The following LRBA variants were observed in gnomAD, a reference collection of about 807,000 sequenced individuals.
LRBA encodes LPS responsive beige-like anchor protein, also known as lipopolysaccharide-responsive and beige-like anchor protein.
In LRBA, 176 loss-of-function variants were observed where a neutral mutation model predicts 330.0. That is an observed-to-expected ratio of 0.53 (90% CI 0.47 to 0.60). LRBA has a LOEUF of 0.60. Among genes scored for constraint, LRBA ranks in the 20% least tolerant of loss-of-function variants. The probability of loss-of-function intolerance (pLI) is 0.00; values close to 1 mark genes in which losing one functional copy is unlikely to be tolerated. For missense variants in LRBA, 3,259 were observed against 3,444.8 expected, an observed-to-expected ratio of 0.95 and a Z score of 1.35; for synonymous variants, 1,230 against 1,193.0, an observed-to-expected ratio of 1.03 and a Z score of -0.64.
Position 150,543,688 on chromosome 4 carries a change from C to T in LRBA, c.6330+44360G>A, listed in dbSNP as rs535669920. 3.9e-5 allele frequency among the ~76,000 whole-genome samples: 6 copies of T among 151,956 alleles called. No individual in the cohort carries two copies. The South Asian group carries it at 1.3e-3, about 32-fold the overall frequency. ...GGTCATTATATTTATGATTGCTTCC[C>T]GAGAAAAGGTTTCAACAGCAGCAAC... On this transcript the variant is annotated intron_variant, in intron 40 of 56. Coordinates refer to ENST00000651943, the MANE Select transcript of LRBA (RefSeq NM_001364905.1).
intron 48 of LRBA, among the ~76,000 whole-genome samples, chr4:150,348,548 A>G (rs1486422619): frequency 6.6e-6 from 1 of 152,224 alleles, no homozygotes; most frequent in Non-Finnish European, 1.5e-5. Context: ...ATGCTGGTAC[A>G]AAAAACAATA....
chr4:150,903,450 A>G (rs1267639442), intron 13 of LRBA, among the ~76,000 whole-genome samples: 1 of 152,160 alleles, frequency 6.6e-6, no homozygotes, highest in Admixed American at 6.5e-5. Context: ...AAGAAAAATG[A>G]ACAGAGGCTG....
chr4:150,657,600 A>G (rs1032982429), intron 37 of LRBA, among the ~76,000 whole-genome samples: 1 of 152,046 alleles, frequency 6.6e-6, no homozygotes, highest in Non-Finnish European at 1.5e-5. Flanking sequence ...TTAAAAAAAT[A>G]CAAGAATTCA....
At chr4:150,720,057 C>T (rs1728727608) in intron 36 of LRBA, among the ~76,000 whole-genome samples, 1 of 152,024 alleles carries the variant, frequency 6.6e-6, no homozygotes, top group African/African-American at 2.4e-5. Flanking sequence ...GGATATTCTA[C>T]AAAAATCAAA....
chr4:150,389,676 CAA>C (rs34170088), intron 47 of LRBA, among the ~76,000 whole-genome samples: 6 of 80,092 alleles, frequency 7.5e-5, no homozygotes, highest in African/African-American at 3.0e-4. Flanking sequence ...GACTCTGTCT[CAA>C]AAAAAAAAAA....
chr4:150,599,094 C>G lies in LRBA; in HGVS notation c.5959G>C (p.Asp1987His), dbSNP rs1261550391. The change falls in exon 38 of 57, where the codon GAT becomes CAT. Residue 1987 changes from aspartate to histidine, a missense_variant. By Grantham distance (81) the Asp-to-His change is moderately conservative (BLOSUM62 -1). Coordinates refer to ENST00000651943, the MANE Select transcript of LRBA (RefSeq NM_001364905.1). ...LEFWRLDYWE[D>H]DLRRRRRFVR... The stretch of plus-strand genomic sequence containing the variant: ...AATCGTCGCCGGCGCCGCAAGTCAT[C>G]TTCCCAGTAGTCAAGGCGCCAGAAC... The G allele has an allele frequency of 6.2e-7, 1 of 1,613,964 alleles. No individual in the cohort carries two copies. The highest frequency in any genetic ancestry group is 8.5e-7 in the Non-Finnish European group (1 of 1,179,994).
chr4:150,423,895 G>A (rs1966052), intron 46 of LRBA, among the ~76,000 whole-genome samples: 132,675 of 152,260 alleles, frequency 0.87, 58,675 homozygotes, highest in Non-Finnish European at 0.96. Flanking sequence ...TATATTTTTA[G>A]GAGAAAATAC....
At chr4:150,450,984 G>A (rs193249318) in intron 44 of LRBA, among the ~76,000 whole-genome samples, 1 of 152,060 alleles carries the variant, frequency 6.6e-6, no homozygotes, top group Non-Finnish European at 1.5e-5. Context: ...GAGCCAAGAT[G>A]GCACCATTGC....
In LRBA at chr4:150,321,302, A is replaced by C; in HGVS notation, c.7519T>G (p.Ser2507Ala). Residue 2507 changes from serine (S) to alanine (A), a missense_variant, in exon 50 of 57, where the codon TCC becomes GCC. Coordinates refer to ENST00000651943, the MANE Select transcript of LRBA (RefSeq NM_001364905.1). This position sits in a 1 kb window ranked among gnomAD's most constrained non-coding sequence, Gnocchi z 4.5. Reference protein sequence around the residue: ...VIMVLKFPSNSPVTHVAANTQ... With the variant: ...VIMVLKFPSNAPVTHVAANTQ... ...TTGGCTGCCACGTGAGTAACAGGGG[A>C]GTTGGAGGGAAACTTGAGGACCATG... 6.2e-7 allele frequency: 1 copy of C among 1,609,132 alleles called. No individual in the cohort carries two copies. The highest frequency in any genetic ancestry group is 8.5e-7 in the Non-Finnish European group (1 of 1,178,408).
At chr4:150,446,636 G>A (rs1020857537) in intron 44 of LRBA, among the ~76,000 whole-genome samples, 1 of 152,144 alleles carries the variant, frequency 6.6e-6, no homozygotes, top group Admixed American at 6.5e-5. Context: ...AGCAGACTCT[G>A]CTAAAATAGT....
At chr4:150,276,280 A>C (rs991111804) in intron 56 of LRBA, among the ~76,000 whole-genome samples, 17 of 152,246 alleles carry the variant, frequency 1.1e-4, no homozygotes, top group Non-Finnish European at 2.5e-4. Context: ...ACAAAAATTA[A>C]CTCAAGATGG....
At chr4:150,765,669 AT>A (rs943116309) in intron 34 of LRBA, among the ~76,000 whole-genome samples, 2 of 152,132 alleles carry the variant, frequency 1.3e-5, no homozygotes, top group African/African-American at 4.8e-5. Flanking sequence ...ATGGGAAAGG[AT>A]TTTTATTACA....
chr4:150,287,870 G>T (rs866574865), intron 53 of LRBA, among the ~76,000 whole-genome samples: 12 of 152,088 alleles, frequency 7.9e-5, no homozygotes, highest in African/African-American at 2.9e-4. Context: ...AAGCCACAAA[G>T]AATTTGTCAC....
chr4:150,491,878 T>C (rs576032660), intron 40 of LRBA, among the ~76,000 whole-genome samples: 1 of 152,250 alleles, frequency 6.6e-6, no homozygotes, highest in East Asian at 1.9e-4. Context: ...ACCAGTACTA[T>C]ACATAATACA....
At chr4:150,827,010 T>A (rs906998441) in intron 30 of LRBA, among the ~76,000 whole-genome samples, 2 of 152,164 alleles carry the variant, frequency 1.3e-5, no homozygotes, top group African/African-American at 4.8e-5. Context: ...TGAGAGACTA[T>A]AGATATGACA....
rs1290693351 is a variant in LRBA at position 150,353,163 on chromosome 4, G to A, written c.7195-3004C>T. 7.9e-5 allele frequency among the ~76,000 whole-genome samples: 12 copies of A among 151,928 alleles called. No individual in the cohort carries two copies. In the East Asian group the frequency reaches 1.9e-3, roughly 25 times the overall value. The stretch of plus-strand genomic sequence containing the variant: ...TAATAGATTAGCATATAATATCTCT[G>A]AGTTTACAAAAAATATGACTCTATG... On this transcript the variant is annotated intron_variant, in intron 47 of 56. Transcript: ENST00000651943.
intron 35 of LRBA, among the ~76,000 whole-genome samples, chr4:150,748,332 A>C (rs921144796): frequency 6.6e-6 from 1 of 152,168 alleles, no homozygotes; most frequent in Non-Finnish European, 1.5e-5. Flanking sequence ...TCTTCTAAGA[A>C]TGTAAGCCAT....
intron 40 of LRBA, among the ~76,000 whole-genome samples, chr4:150,500,307 G>A (rs1478819904): frequency 1.3e-5 from 2 of 151,750 alleles, no homozygotes; most frequent in South Asian, 2.1e-4. Flanking sequence ...GGGCGCCGGG[G>A]CTTATGTCTG....
At chr4:150,576,266 T>A (rs1188123570) in intron 40 of LRBA, among the ~76,000 whole-genome samples, 2 of 151,588 alleles carry the variant, frequency 1.3e-5, no homozygotes, top group Admixed American at 1.3e-4. Flanking sequence ...TCAGAACTGC[T>A]TAACTATGTA....
Sources: gnomAD v4.1 joint callset for allele counts (sites outside exome capture counted in the v4.1 genomes callset) on GRCh38, gnomAD v4.1.1 for gene constraint, Gnocchi (gnomAD v3.1) non-coding constraint, MANE v1.5 for transcripts, NCBI Gene and HGNC (gene_info 2026-07-23, HGNC 2026-07-21) for gene names.